The following NELL1 variants were observed in gnomAD, a reference collection of about 807,000 sequenced individuals.
NELL1 encodes protein kinase C-binding protein NELL1.
A neutral mutation model predicts 107.4 loss-of-function variants in NELL1; 76 were observed. That is an observed-to-expected ratio of 0.71 (90% confidence interval 0.59 to 0.86). The LOEUF (loss-of-function observed/expected upper bound fraction) is 0.86. Among genes scored for constraint, NELL1 ranks in the 40% least tolerant of loss-of-function variants. NELL1 has a pLI of 0.00. For synonymous variants in NELL1, 353 were observed against 341.2 expected, an observed-to-expected ratio of 1.03 and a Z score of -0.38; for missense variants, 1,024 against 1,005.5, an observed-to-expected ratio of 1.02 and a Z score of -0.25.
intron 16 of NELL1, among the ~76,000 whole-genome samples, chr11:21,554,492 G>A (rs1203422761): frequency 2.6e-5 from 4 of 151,796 alleles, no homozygotes; most frequent in Non-Finnish European, 5.9e-5. Flanking sequence ...TGGGCTGGTT[G>A]CATCATAAGA....
At chr11:21,389,053 T>C (rs1851810694) in intron 15 of NELL1, among the ~76,000 whole-genome samples, 2 of 151,854 alleles carry the variant, frequency 1.3e-5, no homozygotes, top group Admixed American at 1.3e-4. Context: ...CCCCATTTGC[T>C]GGTTATCTAA....
At chr11:21,402,070 G>T (rs916697561) in intron 15 of NELL1, among the ~76,000 whole-genome samples, 3 of 151,722 alleles carry the variant, frequency 2.0e-5, no homozygotes, top group Non-Finnish European at 4.4e-5. Context: ...TTTATAGCTG[G>T]AGTCTCAAGG....
At chr11:20,997,677 T>C (rs2134267670) in intron 12 of NELL1, among the ~76,000 whole-genome samples, 1 of 152,308 alleles carries the variant, frequency 6.6e-6, no homozygotes, top group African/African-American at 2.4e-5. Context: ...TATTCCCACG[T>C]AGAAAGTTTA....
intron 12 of NELL1, among the ~76,000 whole-genome samples, chr11:21,032,071 A>AATAATG (rs1486514944): frequency 1.1e-4 from 16 of 147,800 alleles, no homozygotes; most frequent in Admixed American, 1.0e-3. Context: ...TAATAATAAT[A>AATAATG]ATAATAATAA....
At chr11:20,672,348 A>G (rs1467703311) in intron 1 of NELL1, among the ~76,000 whole-genome samples, 1 of 152,256 alleles carries the variant, frequency 6.6e-6, no homozygotes, top group Non-Finnish European at 1.5e-5. Context: ...TGAAATAAAC[A>G]TGTGGTTCAC....
intron 3 of NELL1, among the ~76,000 whole-genome samples, chr11:20,830,021 C>T (rs1412487283): frequency 6.6e-6 from 1 of 152,046 alleles, no homozygotes; most frequent in South Asian, 2.1e-4. Flanking sequence ...TGCCTGTAAT[C>T]CCCCCACCTT....
intron 14 of NELL1, among the ~76,000 whole-genome samples, chr11:21,289,831 G>A (rs1849209895): frequency 1.3e-5 from 2 of 152,118 alleles, no homozygotes; most frequent in African/African-American, 2.4e-5. Flanking sequence ...CATTACTGAG[G>A]CTTGAGTAGG....
At chr11:21,295,400 C>G (rs531773790) in intron 14 of NELL1, among the ~76,000 whole-genome samples, 2 of 152,086 alleles carry the variant, frequency 1.3e-5, no homozygotes, top group East Asian at 3.9e-4. Flanking sequence ...GATGACATTT[C>G]AAGAATGGTA....
rs115828874 is a variant in NELL1 at position 21,047,104 on chromosome 11, C to T, written c.1301-66485C>T. Among the ~76,000 whole-genome samples the T allele has an allele frequency of 2.6e-3, 402 of 152,210 alleles. 3 individuals are homozygous for T. Among genetic ancestry groups the T allele is most frequent in the African/African-American group, 9.0e-3 (374 of 41,542 alleles). ...ACAAGTATAGAATCACTGTTGGAGA[C>T]TGGAGGATCCCTGATAACATACCCA... is the stretch of plus-strand genomic sequence containing the variant. On this transcript the variant is annotated intron_variant, in intron 12 of 19. Transcript: ENST00000357134.
intron 15 of NELL1, among the ~76,000 whole-genome samples, chr11:21,429,807 A>G (rs1315974447): frequency 6.6e-6 from 1 of 152,174 alleles, no homozygotes; most frequent in Admixed American, 6.5e-5. Context: ...ATGTGGGTTC[A>G]CAAGAGTTCA....
At chr11:21,051,648 C>T (rs1296713631) in intron 12 of NELL1, among the ~76,000 whole-genome samples, 1 of 152,130 alleles carries the variant, frequency 6.6e-6, no homozygotes, top group Non-Finnish European at 1.5e-5. Flanking sequence ...GGACATGACA[C>T]TTTTCATTTG....
At chr11:20,745,745 T>A (rs1380590672) in intron 2 of NELL1, among the ~76,000 whole-genome samples, 1 of 152,168 alleles carries the variant, frequency 6.6e-6, no homozygotes, top group Non-Finnish European at 1.5e-5. Flanking sequence ...TACCACTGGG[T>A]GTGGGCCACA....
At chr11:20,941,375 G>A (rs1365864279) in intron 10 of NELL1, among the ~76,000 whole-genome samples, 1 of 152,158 alleles carries the variant, frequency 6.6e-6, no homozygotes, top group Admixed American at 6.5e-5. Flanking sequence ...TGGTTGAAAG[G>A]TCAAAATCTG....
At chr11:20,881,787 G>C (rs746341808) in intron 4 of NELL1, among the ~76,000 whole-genome samples, 4 of 151,760 alleles carry the variant, frequency 2.6e-5, no homozygotes, top group Admixed American at 2.0e-4. Flanking sequence ...GTCCATGCAT[G>C]TGTCTGTCTC....
intron 15 of NELL1, among the ~76,000 whole-genome samples, chr11:21,481,629 T>A (rs1160883369): frequency 1.3e-5 from 2 of 152,194 alleles, no homozygotes; most frequent in Non-Finnish European, 2.9e-5. Context: ...CCCCTGCATG[T>A]TTACTTGTCA....
chr11:21,402,765 AG>A (rs1167663962), intron 15 of NELL1, among the ~76,000 whole-genome samples: 1 of 151,612 alleles, frequency 6.6e-6, no homozygotes, highest in East Asian at 2.0e-4. Flanking sequence ...GGTAGTTTGA[AG>A]TACAGTCCTT....
intron 9 of NELL1, among the ~76,000 whole-genome samples, chr11:20,936,382 C>T (rs986593558): frequency 6.6e-6 from 1 of 152,190 alleles, no homozygotes; most frequent in East Asian, 1.9e-4. Flanking sequence ...GGAAGTGGAT[C>T]TCCATGTACC....
intron 14 of NELL1, among the ~76,000 whole-genome samples, chr11:21,327,265 C>G (rs1415071483): frequency 6.7e-6 from 1 of 150,060 alleles, no homozygotes; most frequent in Non-Finnish European, 1.5e-5. Context: ...TTACTGGGTG[C>G]AGCACACCAA....
At chr11:21,220,811 G>A (rs1190333002) in intron 13 of NELL1, among the ~76,000 whole-genome samples, 1 of 152,098 alleles carries the variant, frequency 6.6e-6, no homozygotes, top group Non-Finnish European at 1.5e-5. Flanking sequence ...TATATCGTCT[G>A]CAAAGAGGGC....
Sources: gnomAD v4.1 joint callset for allele counts (sites outside exome capture counted in the v4.1 genomes callset) on GRCh38, gnomAD v4.1.1 for gene constraint, MANE v1.5 for transcripts, NCBI Gene and HGNC (gene_info 2026-07-23, HGNC 2026-07-21) for gene names.